The following OR51B5 variants were observed in gnomAD, a reference collection of about 807,000 sequenced individuals.
OR51B5 encodes olfactory receptor 51B5.
For synonymous variants in OR51B5, 186 were observed against 144.8 expected (o/e 1.28, Z -2.04); for missense variants, 456 against 374.6 (o/e 1.22, Z -1.79).
intron 1 of OR51B5, among the ~76,000 whole-genome samples, chr11:5,397,218 C>A (rs1426194482): frequency 7.2e-5 from 11 of 152,186 alleles, no homozygotes; most frequent in Admixed American, 5.2e-4. Context: ...TCTAATTAAA[C>A]TAAAGATCTT....
At chr11:5,349,915 TCTG>T (rs1363058366) in intron 1 of OR51B5, among the ~76,000 whole-genome samples, 1 of 152,168 alleles carries the variant, frequency 6.6e-6, no homozygotes, top group Non-Finnish European at 1.5e-5. Flanking sequence ...TCACATTTTA[TCTG>T]CTGATTAGAG....
intron 1 of OR51B5, among the ~76,000 whole-genome samples, chr11:5,477,286 A>G (rs960619273): frequency 5.3e-5 from 8 of 152,114 alleles, no homozygotes; most frequent in Non-Finnish European, 1.2e-4. Context: ...CTCTGACAGG[A>G]AAGAGAAACA....
At chr11:5,385,768 C>G (rs915996471) in intron 1 of OR51B5, among the ~76,000 whole-genome samples, 1 of 147,818 alleles carries the variant, frequency 6.8e-6, no homozygotes, top group Non-Finnish European at 1.5e-5. Flanking sequence ...TATAAATATA[C>G]AGACACATAT....
intron 1 of OR51B5, among the ~76,000 whole-genome samples, chr11:5,396,590 G>T (rs1589973397): frequency 6.6e-6 from 1 of 152,024 alleles, no homozygotes; most frequent in African/African-American, 2.4e-5. Flanking sequence ...CATGCTCATG[G>T]ATAGGAAGAA....
chr11:5,452,244 C>G (rs1850863733), intron 1 of OR51B5, among the ~76,000 whole-genome samples: 1 of 152,058 alleles, frequency 6.6e-6, no homozygotes, highest in African/African-American at 2.4e-5. Flanking sequence ...GTGGCTCACG[C>G]CTGTAATCCC....
At chr11:5,450,342 T>C (rs551956974) in intron 1 of OR51B5, among the ~76,000 whole-genome samples, 2 of 152,032 alleles carry the variant, frequency 1.3e-5, no homozygotes, top group African/African-American at 2.4e-5. Flanking sequence ...TGAGCCAAGA[T>C]TGCACCACTG....
At chr11:5,468,864 G>C in intron 1 of OR51B5, 1 of 418,242 alleles carries the variant, frequency 2.4e-6, no homozygotes, top group Non-Finnish European at 4.8e-6. Context: ...AGCCGAATCA[G>C]GTCTGCATGC....
At chr11:5,395,252 C>T (rs1467644072) in intron 1 of OR51B5, among the ~76,000 whole-genome samples, 2 of 152,092 alleles carry the variant, frequency 1.3e-5, no homozygotes, top group South Asian at 2.1e-4. Flanking sequence ...GTGCAGCCCA[C>T]GTAGAACAGC....
rs74791787 is a variant in OR51B5, at chr11:5,430,732, G to A, written n.84+74837C>T. ...CTGGGTCTTAACACTATAGATGATG[G>A]GATTAAGTACAGGTGGCACCAAAAG... On this transcript the variant is annotated intron_variant and non_coding_transcript_variant, in intron 1 of 4. Coordinates refer to the OR51B5 transcript ENST00000415970. The A allele has an allele frequency of 5.9e-4, 270 of 456,850 alleles. 1 individual carries two copies. Among genetic ancestry groups the A allele is most frequent in the African/African-American group, 5.2e-3 (259 of 50,156 alleles). 28.3% of individuals were successfully genotyped at this position (456,850 alleles called of 1,614,324 possible).
intron 1 of OR51B5, among the ~76,000 whole-genome samples, chr11:5,368,761 G>T (rs1301925713): frequency 1.3e-5 from 2 of 152,140 alleles, no homozygotes; most frequent in African/African-American, 4.8e-5. Context: ...AAAACTGAAG[G>T]AAGCAAAACC....
intron 1 of OR51B5, chr11:5,403,296 G>A: frequency 2.1e-6 from 1 of 471,686 alleles, no homozygotes; most frequent in Non-Finnish European, 4.4e-6. Context: ...TGCCACTGGA[G>A]AAGGGAGGAA....
chr11:5,446,248 T>C (rs557408601), intron 1 of OR51B5, among the ~76,000 whole-genome samples: 5 of 151,776 alleles, frequency 3.3e-5, no homozygotes, highest in Admixed American at 6.6e-5. Context: ...GAACTTAAAG[T>C]ATAATAAAAA....
At chr11:5,441,641 C>G (rs1850691153) in intron 1 of OR51B5, 4 of 695,234 alleles carry the variant, frequency 5.8e-6, no homozygotes, top group Non-Finnish European at 9.5e-6. Context: ...TTCCTGCCTT[C>G]CCAGTAAGAC....
intron 1 of OR51B5, among the ~76,000 whole-genome samples, chr11:5,360,377 G>A (rs1018042652): frequency 6.6e-6 from 1 of 152,000 alleles, no homozygotes; most frequent in Admixed American, 6.6e-5. Context: ...GCAGTCAACA[G>A]ACACATGAAA....
chr11:5,479,070 A>G (rs1450748194), intron 1 of OR51B5, among the ~76,000 whole-genome samples: 1 of 151,902 alleles, frequency 6.6e-6, no homozygotes, highest in Non-Finnish European at 1.5e-5. Flanking sequence ...CAGATTCACC[A>G]AAGTTGAAAT....
At chr11:5,446,279 G>A (rs980765899) in intron 1 of OR51B5, among the ~76,000 whole-genome samples, 3 of 148,692 alleles carry the variant, frequency 2.0e-5, no homozygotes, top group African/African-American at 7.4e-5. Context: ...AAAAAAGAAA[G>A]TAGAATAACT....
chr11:5,376,686 A>G (rs1849533693), intron 1 of OR51B5, among the ~76,000 whole-genome samples: 1 of 152,106 alleles, frequency 6.6e-6, no homozygotes, highest in Admixed American at 6.5e-5. Flanking sequence ...AAACACCTCT[A>G]CGCAAATAAA....
intron 1 of OR51B5, among the ~76,000 whole-genome samples, chr11:5,376,061 A>G (rs975674970): frequency 7.2e-5 from 11 of 152,298 alleles, no homozygotes; most frequent in Admixed American, 2.6e-4. Context: ...CATACTTGGA[A>G]GTAAAGCTCT....
chr11:5,371,539 A>T (rs926193177), intron 1 of OR51B5, among the ~76,000 whole-genome samples: 3 of 152,204 alleles, frequency 2.0e-5, no homozygotes, highest in African/African-American at 7.2e-5. Context: ...AAAGGGTTAC[A>T]TAAGTTTTAA....
Sources: allele counts gnomAD v4.1 joint callset (sites outside exome capture counted in the v4.1 genomes callset), GRCh38; gene constraint gnomAD v4.1.1; transcripts MANE v1.5; gene names NCBI Gene and HGNC (gene_info 2026-07-23, HGNC 2026-07-21).